Variants in NR3C2 observed in about 807,000 individuals in gnomAD.
NR3C2 encodes the protein nuclear receptor subfamily 3 group C member 2, also known as mineralocorticoid receptor.
NR3C2 carries 15 observed loss-of-function variants against 86.4 expected under a neutral mutation model. That is an observed-to-expected ratio of 0.17 (90% CI 0.12 to 0.27). The LOEUF is 0.27. Ranked by LOEUF, NR3C2 falls within the 10% of genes least tolerant of loss-of-function variation. The pLI, the probability that NR3C2 is intolerant of heterozygous loss-of-function variation, is 1.00. For missense variants in NR3C2, 960 were observed against 1,195.6 expected (o/e 0.80, Z 2.91); for synonymous variants, 458 against 450.5 (o/e 1.02, Z -0.21).
chr4:148,269,357 C>T (rs555890548), intron 2 of NR3C2, among the ~76,000 whole-genome samples: 26 of 152,106 alleles, frequency 1.7e-4, no homozygotes, highest in Admixed American at 7.9e-4. Context: ...TTGACCTTAT[C>T]GACGGTAGTT....
At chr4:148,200,623 T>C (rs1328048051) in intron 3 of NR3C2, among the ~76,000 whole-genome samples, 1 of 152,222 alleles carries the variant, frequency 6.6e-6, no homozygotes, top group African/African-American at 2.4e-5. Flanking sequence ...TTTAGAGAAG[T>C]TACTTAGCCT....
At chr4:148,356,899 C>CTGTGTGTGTGTGTG (rs67285458) in intron 2 of NR3C2, among the ~76,000 whole-genome samples, 26 of 149,074 alleles carry the variant, frequency 1.7e-4, no homozygotes, top group African/African-American at 5.2e-4. Flanking sequence ...CTAAGCACGA[C>CTGTGTGTGTGTGTG]TGTGTGTGTG....
Position 148,103,229 on chromosome 4 carries a change from C to T in NR3C2, c.2799+10875G>A, listed in dbSNP as rs114683415. 4.2e-3 allele frequency among the ~76,000 whole-genome samples: 638 copies of T among 152,326 alleles called. 4 individuals carry two copies. Among genetic ancestry groups the T allele is most frequent in the African/African-American group, 0.015 (608 of 41,564 alleles). ...CCTTTCCAGATACTCCACCCGTGGT[C>T]CTGACACTCCGTATCACACCACCTT... On this transcript the variant is annotated intron_variant, in intron 8 of 8. Transcript: ENST00000358102.
intron 6 of NR3C2, among the ~76,000 whole-genome samples, chr4:148,132,349 G>A (rs1424193561): frequency 6.6e-6 from 1 of 152,154 alleles, no homozygotes; most frequent in Non-Finnish European, 1.5e-5. Context: ...ATTGTATCAT[G>A]TGAGGCACAT....
chr4:148,156,619 C>G (rs920610404), intron 4 of NR3C2, among the ~76,000 whole-genome samples: 1 of 152,178 alleles, frequency 6.6e-6, no homozygotes, highest in Non-Finnish European at 1.5e-5. Flanking sequence ...CATCTCACAC[C>G]AGTTAGAATG....
chr4:148,419,103 T>A (rs962609691), intron 2 of NR3C2, among the ~76,000 whole-genome samples: 2 of 151,942 alleles, frequency 1.3e-5, no homozygotes, highest in African/African-American at 2.4e-5. Context: ...TCCTTTTTTT[T>A]TTTCTTTTTG....
At chr4:148,251,326 T>C (rs1739567665) in intron 3 of NR3C2, among the ~76,000 whole-genome samples, 1 of 152,188 alleles carries the variant, frequency 6.6e-6, no homozygotes, top group Non-Finnish European at 1.5e-5. Flanking sequence ...CCACCCATCC[T>C]TCCCATCCTG....
intron 2 of NR3C2, among the ~76,000 whole-genome samples, chr4:148,304,711 G>A (rs1346566479): frequency 2.0e-5 from 3 of 152,088 alleles, no homozygotes; most frequent in African/African-American, 7.2e-5. Flanking sequence ...GAAGATAAGG[G>A]AACCTGCTCA....
chr4:148,442,733 G>T, upstream of NR3C2: 1 of 985,426 alleles, frequency 1.0e-6, no homozygotes, highest in Non-Finnish European at 1.2e-6. Flanking sequence ...TAAAGCCGCA[G>T]CCGCGGCGGG....
At chr4:148,311,851 T>G (rs375273280) in intron 2 of NR3C2, among the ~76,000 whole-genome samples, 1 of 152,336 alleles carries the variant, frequency 6.6e-6, no homozygotes, top group South Asian at 2.1e-4. Context: ...CTTAGGACAT[T>G]TGCATCTGCT....
At chr4:148,211,399 G>T (rs1308089734) in intron 3 of NR3C2, among the ~76,000 whole-genome samples, 1 of 152,190 alleles carries the variant, frequency 6.6e-6, no homozygotes, top group Non-Finnish European at 1.5e-5. Flanking sequence ...TTCATTAGGT[G>T]TAAGATAATA....
intron 2 of NR3C2, among the ~76,000 whole-genome samples, chr4:148,354,885 C>T (rs1019457197): frequency 6.6e-5 from 10 of 151,890 alleles, no homozygotes; most frequent in Admixed American, 1.3e-4. Flanking sequence ...CTAGGAGAAA[C>T]ATGAAATTAG....
intron 2 of NR3C2, among the ~76,000 whole-genome samples, chr4:148,336,012 C>T (rs1247499692): frequency 6.6e-6 from 1 of 152,112 alleles, no homozygotes; most frequent in Admixed American, 6.5e-5. Context: ...GTTTTGTGAC[C>T]TTCCTCTAAT....
intron 4 of NR3C2, among the ~76,000 whole-genome samples, chr4:148,179,037 ACTG>A (rs1244275575): frequency 1.3e-5 from 2 of 151,644 alleles, no homozygotes; most frequent in Non-Finnish European, 2.9e-5. Flanking sequence ...GTTCACAAAG[ACTG>A]TGCAATTATT....
chr4:148,192,619 G>A (rs921384845), intron 4 of NR3C2, among the ~76,000 whole-genome samples: 2 of 151,302 alleles, frequency 1.3e-5, no homozygotes, highest in African/African-American at 2.4e-5. Context: ...GGCTAGGCAC[G>A]TCTGAGCTCA....
At chr4:148,194,908 T>A in intron 3 of NR3C2, 46 bp from the exon 4 acceptor site, 1 of 1,273,048 alleles carries the variant, frequency 7.9e-7, no homozygotes, top group Non-Finnish European at 1.1e-6. Context: ...AGTACACTAG[T>A]ACAAAACATT....
intron 6 of NR3C2, among the ~76,000 whole-genome samples, chr4:148,129,529 AAT>A (rs1469015549): frequency 1.3e-5 from 2 of 152,218 alleles, no homozygotes; most frequent in Non-Finnish European, 2.9e-5. Context: ...TCACAACTAA[AAT>A]ATGTTTTGAA....
chr4:148,117,751 G>A (rs762543943), intron 7 of NR3C2, among the ~76,000 whole-genome samples: 5 of 152,106 alleles, frequency 3.3e-5, no homozygotes, highest in Non-Finnish European at 7.4e-5. Context: ...CTCTCTGCTG[G>A]AAACAACAGC....
chr4:148,113,999 TCTAG>T (rs893710381), intron 8 of NR3C2, 101 bp downstream of exon 8: 12 of 1,342,892 alleles, frequency 8.9e-6, no homozygotes, highest in African/African-American at 1.4e-5. Context: ...TCAACAGAGG[TCTAG>T]CATGACACCC....
Sources: allele counts gnomAD v4.1 joint callset (sites outside exome capture counted in the v4.1 genomes callset), GRCh38; gene constraint gnomAD v4.1.1; transcripts MANE v1.5; gene names NCBI Gene and HGNC (gene_info 2026-07-23, HGNC 2026-07-21).